The following IMMP2L variants were observed in gnomAD, a reference collection of about 807,000 sequenced individuals.
IMMP2L encodes the protein inner mitochondrial membrane peptidase subunit 2, also known as mitochondrial inner membrane protease subunit 2.
IMMP2L carries 18 observed loss-of-function variants against 19.3 expected under a neutral mutation model. That is an observed-to-expected ratio of 0.93 (90% CI 0.64 to 1.38). IMMP2L has a LOEUF of 1.38. Among genes scored for constraint, IMMP2L ranks in the 40% most tolerant of loss-of-function variants. IMMP2L has a pLI of 0.00. For synonymous variants in IMMP2L, 76 were observed against 73.0 expected, an observed-to-expected ratio of 1.04 and a Z score of -0.21; for missense variants, 233 against 218.2, an observed-to-expected ratio of 1.07 and a Z score of -0.43.
intron 1 of IMMP2L, among the ~76,000 whole-genome samples, chr7:111,522,779 T>G (rs1482217069): frequency 1.3e-5 from 2 of 151,988 alleles, no homozygotes; most frequent in Non-Finnish European, 2.9e-5. Context: ...AATCCTATTC[T>G]TAGGAATATA....
intron 5 of IMMP2L, among the ~76,000 whole-genome samples, chr7:110,882,348 C>T (rs60716061): frequency 2.2e-5 from 3 of 137,068 alleles, no homozygotes; most frequent in Non-Finnish European, 4.7e-5. Flanking sequence ...TTCCCTCCTT[C>T]CTCTCTCCCT....
At chr7:111,345,067 A>T (rs1217617109) in intron 3 of IMMP2L, among the ~76,000 whole-genome samples, 2 of 152,024 alleles carry the variant, frequency 1.3e-5, no homozygotes, top group Non-Finnish European at 2.9e-5. Context: ...AGTAACTCAC[A>T]TACAGTTTTC....
rs1178838551 is a variant in IMMP2L at position 110,758,242 on chromosome 7, T to TTAAGAGTG, written c.409-94522_409-94521insCACTCTTA. ...CTGTACAGTGATGTGGGTGAAAATC[T>TTAAGAGTG]GACTGGAGTGGACTTAAGAGAATGG... On this transcript the variant is annotated intron_variant, in intron 5 of 5. Transcript: ENST00000405709. This position sits in a 1 kb window ranked among gnomAD's most constrained non-coding sequence, Gnocchi z 4.6. Among the ~76,000 whole-genome samples the TTAAGAGTG allele has an allele frequency of 7.2e-5, 11 of 152,052 alleles. No individual in the cohort carries two copies. Among genetic ancestry groups the TTAAGAGTG allele is most frequent in the Non-Finnish European group, 1.6e-4 (11 of 68,018 alleles).
In IMMP2L at chr7:111,451,938, T is replaced by C. The variant is rs1839241305; in HGVS notation, c.239+35300A>G. Among the ~76,000 whole-genome samples, 3 of 152,040 alleles carry C rather than the reference T, an allele frequency of 2.0e-5. 1 individual carries two copies. In the South Asian group the frequency reaches 6.2e-4, roughly 32 times the overall value. On this transcript the variant is annotated intron_variant, in intron 3 of 5. Coordinates refer to ENST00000405709, the MANE Select transcript of IMMP2L (RefSeq NM_032549.4). ...GAGAAGATACACAGGTCATAGGGAA[T>C]AAAAAATTAATAGTGCCTTTCCACA...
intron 3 of IMMP2L, among the ~76,000 whole-genome samples, chr7:111,365,549 G>A (rs759951849): frequency 6.6e-6 from 1 of 152,110 alleles, no homozygotes; most frequent in Non-Finnish European, 1.5e-5. Flanking sequence ...GGTTCTGAAG[G>A]TGGCATCTTG....
chr7:111,435,971 A>G (rs1016667373), intron 3 of IMMP2L, among the ~76,000 whole-genome samples: 4 of 151,592 alleles, frequency 2.6e-5, no homozygotes, highest in Non-Finnish European at 5.9e-5. Flanking sequence ...CTCTCTCCCA[A>G]TCCCATCATC....
Position 111,352,303 on chromosome 7 carries a change from A to T in IMMP2L, c.239+134935T>A, listed in dbSNP as rs745473156. Among the ~76,000 whole-genome samples, 28 of 152,002 alleles carry T rather than the reference A, an allele frequency of 1.8e-4. 1 individual carries two copies. Among genetic ancestry groups the T allele is most frequent in the Non-Finnish European group, 3.1e-4 (21 of 67,978 alleles). On this transcript the variant is annotated intron_variant, in intron 3 of 5. Coordinates refer to ENST00000405709, the MANE Select transcript of IMMP2L (RefSeq NM_032549.4). The stretch of plus-strand genomic sequence containing the variant: ...CAGCCCTGAACTCCTGGGTTCAAGC[A>T]ATCCCCTGGCTTAGCCTCCCAAGTA...
At chr7:110,885,107 A>G (rs1810081075) in intron 5 of IMMP2L, among the ~76,000 whole-genome samples, 1 of 152,094 alleles carries the variant, frequency 6.6e-6, no homozygotes, top group South Asian at 2.1e-4. Flanking sequence ...AAGGTATTCA[A>G]TATTAACTTA....
intron 3 of IMMP2L, among the ~76,000 whole-genome samples, chr7:111,477,474 A>G (rs1452892903): frequency 1.3e-5 from 2 of 152,190 alleles, no homozygotes; most frequent in African/African-American, 4.8e-5. Context: ...CAACAGGTAC[A>G]ACATTCTAGA....
rs149922506 is a variant in IMMP2L, at chr7:111,522,489, C to G, written c.-2-1040G>C. Among the ~76,000 whole-genome samples the G allele has an allele frequency of 5.6e-4, 85 of 152,036 alleles. 2 individuals carry two copies. The highest frequency in any genetic ancestry group is 1.9e-3 in the African/African-American group (79 of 41,484). ...AAAAAGACAACCCAATTAAAAAATG[C>G]CCAAGAGCTTAACAATAATTTCTCA... On this transcript the variant is annotated intron_variant, in intron 1 of 5. Coordinates refer to ENST00000405709, the MANE Select transcript of IMMP2L (RefSeq NM_032549.4).
At chr7:111,325,889 C>T (rs868487484) in intron 3 of IMMP2L, among the ~76,000 whole-genome samples, 15 of 151,512 alleles carry the variant, frequency 9.9e-5, no homozygotes, top group Non-Finnish European at 1.8e-4. Context: ...AGGTTGAACC[C>T]CTCATGAAAT....
chr7:110,874,525 C>T (rs973144361), intron 5 of IMMP2L, among the ~76,000 whole-genome samples: 1 of 151,726 alleles, frequency 6.6e-6, no homozygotes, highest in South Asian at 2.1e-4. Context: ...TATTATTATA[C>T]CAAACATATA....
intron 3 of IMMP2L, among the ~76,000 whole-genome samples, chr7:111,175,756 C>T (rs1193999789): frequency 6.6e-6 from 1 of 151,638 alleles, no homozygotes; most frequent in Non-Finnish European, 1.5e-5. Flanking sequence ...TGGCAGAAAA[C>T]CCATGCAAAA....
chr7:111,546,194 A>G (rs1425055613), intron 1 of IMMP2L, among the ~76,000 whole-genome samples: 1 of 152,112 alleles, frequency 6.6e-6, no homozygotes, highest in African/African-American at 2.4e-5. Context: ...TACAGGATCT[A>G]TAGGATACAA....
chr7:111,459,949 G>A (rs997639217), intron 3 of IMMP2L, among the ~76,000 whole-genome samples: 1 of 152,098 alleles, frequency 6.6e-6, no homozygotes, highest in Non-Finnish European at 1.5e-5. Context: ...TGGAAAATCA[G>A]AGAATTTGAA....
intron 3 of IMMP2L, among the ~76,000 whole-genome samples, chr7:111,409,900 T>C (rs1329324806): frequency 6.6e-6 from 1 of 151,690 alleles, no homozygotes; most frequent in Non-Finnish European, 1.5e-5. Context: ...ACTGCCCCTA[T>C]TCCAACCTAG....
At chr7:111,095,879 A>ATCCCTC (rs961877980) in intron 3 of IMMP2L, among the ~76,000 whole-genome samples, 3 of 151,856 alleles carry the variant, frequency 2.0e-5, no homozygotes, top group African/African-American at 7.3e-5. Context: ...CAGGACAGCA[A>ATCCCTC]TCCCTCTCCC....
At position 111,487,282 on chromosome 7, in the gene IMMP2L, T is replaced by A. The variant is rs200098844; in HGVS notation, c.195A>T (p.Lys65Asn). 3.7e-6 allele frequency: 6 copies of A among 1,610,242 alleles called. No individual in the cohort carries two copies. Among genetic ancestry groups the A allele is most frequent in the Middle Eastern group, 1.7e-4 (1 of 6,052 alleles). Residue 65 changes from lysine (K) to asparagine (N), a missense_variant, in exon 3 of 6, where the codon AAA (lysine) becomes AAT (asparagine). Physicochemically the swap from Lys to Asn is moderately conservative, Grantham distance 94 (BLOSUM62 0). Transcript: ENST00000405709. Reference sequence around the variant, plus strand: ...CACGGTGTACTTCAAAATTCCTCACTTTCCAGTGGTTCAAAAGCACCACAT... The same window carrying A: ...CACGGTGTACTTCAAAATTCCTCACATTCCAGTGGTTCAAAAGCACCACAT... ...SSDVVLLNHW[K>N]VRNFEVHRGD...
At chr7:111,032,263 G>A (rs2129569102) in intron 3 of IMMP2L, among the ~76,000 whole-genome samples, 1 of 152,176 alleles carries the variant, frequency 6.6e-6, no homozygotes, top group South Asian at 2.1e-4. Flanking sequence ...ACTGGCAAAA[G>A]AATGGAAAAG....
Sources: gnomAD v4.1 joint callset for allele counts (sites outside exome capture counted in the v4.1 genomes callset) on GRCh38, gnomAD v4.1.1 for gene constraint, Gnocchi (gnomAD v3.1) non-coding constraint, MANE v1.5 for transcripts, NCBI Gene and HGNC (gene_info 2026-07-23, HGNC 2026-07-21) for gene names.